The following F2RL1 variants were observed in gnomAD, a reference collection of about 807,000 sequenced individuals.
The protein encoded by F2RL1 is F2R like trypsin receptor 1, also known as proteinase-activated receptor 2.
A neutral mutation model predicts 21.7 loss-of-function variants in F2RL1; 16 were observed. The observed-to-expected ratio is 0.74, with a 90% CI of 0.50 to 1.12. The LOEUF (loss-of-function observed/expected upper bound fraction) is 1.12. F2RL1 is among the 50% of genes most tolerant of loss of function. The probability of loss-of-function intolerance (pLI) is 0.00; values close to 1 mark genes in which losing one functional copy is unlikely to be tolerated. For synonymous variants in F2RL1, 181 were observed against 186.7 expected, an observed-to-expected ratio of 0.97 and a Z score of 0.25; for missense variants, 432 against 477.8, an observed-to-expected ratio of 0.90 and a Z score of 0.89.
At chr5:76,822,536 A>T (rs1325451771) in intron 1 of F2RL1, among the ~76,000 whole-genome samples, 3 of 152,194 alleles carry the variant, frequency 2.0e-5, no homozygotes, top group Non-Finnish European at 4.4e-5. Context: ...GTAATATGAC[A>T]GAACACTGCA....
At chr5:76,824,282 G>A (rs541511590) in intron 1 of F2RL1, among the ~76,000 whole-genome samples, 8 of 151,388 alleles carry the variant, frequency 5.3e-5, no homozygotes, top group Non-Finnish European at 1.0e-4. Context: ...CAAGTAGCTG[G>A]GGCTATGGCT....
At chr5:76,828,422 A>G (rs1202524957) in intron 1 of F2RL1, among the ~76,000 whole-genome samples, 1 of 152,062 alleles carries the variant, frequency 6.6e-6, no homozygotes, top group Non-Finnish European at 1.5e-5. Flanking sequence ...TAATGCCATT[A>G]TAGTATCTAC....
At chr5:76,825,958 G>A (rs889816586) in intron 1 of F2RL1, among the ~76,000 whole-genome samples, 4 of 152,016 alleles carry the variant, frequency 2.6e-5, no homozygotes, top group African/African-American at 9.7e-5. Flanking sequence ...CTCTTTATGT[G>A]AGCTTTCCTG....
Position 76,833,087 on chromosome 5 carries a change from C to G in F2RL1, c.480C>G (p.Tyr160Ter), listed in dbSNP as rs901685279. The change falls in exon 2 of 2, where the codon TAC becomes TAG. Residue 160 changes from tyrosine to a stop codon, truncating the protein, a stop_gained. Coordinates refer to ENST00000296677, the MANE Select transcript of F2RL1 (RefSeq NM_005242.6). LOFTEE classifies it high-confidence loss of function. Reference protein sequence around the residue: ...VLIGFFYGNMYCSILFMTCLS... With the variant: ...VLIGFFYGNM Reference sequence around the variant, plus strand: ...TTGGCTTTTTCTATGGCAACATGTACTGTTCCATTCTCTTCATGACCTGCC... The same window carrying G: ...TTGGCTTTTTCTATGGCAACATGTAGTGTTCCATTCTCTTCATGACCTGCC... 5.0e-6 allele frequency: 8 copies of G among 1,614,096 alleles called. No homozygotes were observed. Among genetic ancestry groups the G allele is most frequent in the Non-Finnish European group, 6.8e-6 (8 of 1,180,048 alleles).
chr5:76,826,537 A>G (rs1346946935), intron 1 of F2RL1, among the ~76,000 whole-genome samples: 1 of 150,780 alleles, frequency 6.6e-6, no homozygotes, highest in African/African-American at 2.4e-5. Context: ...TTTTTGAGAC[A>G]GAGTCTTGCT....
At chr5:76,830,408 G>T (rs751392019) in intron 1 of F2RL1, among the ~76,000 whole-genome samples, 2 of 152,178 alleles carry the variant, frequency 1.3e-5, no homozygotes, top group African/African-American at 4.8e-5. Context: ...CTCCCAAGTA[G>T]CTAGAACTAC....
Position 76,819,048 on chromosome 5 carries a change from G to C in F2RL1, c.-135G>C, listed in dbSNP as rs944351878. The stretch of plus-strand genomic sequence containing the variant: ...TTTCCCTGAAACCTAACCCGCCCTG[G>C]GGAGGCGCGCAGCAGAGGCTCCGAT... On this transcript the variant is annotated 5_prime_UTR_variant, in exon 1 of 2. Coordinates refer to ENST00000296677, the MANE Select transcript of F2RL1 (RefSeq NM_005242.6). The C allele has an allele frequency of 1.4e-6, 1 of 710,450 alleles. No individual in the cohort carries two copies. Among genetic ancestry groups the C allele is most frequent in the Non-Finnish European group, 2.3e-6 (1 of 435,640 alleles). 44.0% of individuals were successfully genotyped at this position (710,450 alleles called of 1,614,324 possible).
At chr5:76,824,158 C>CT (rs1750196069) in intron 1 of F2RL1, among the ~76,000 whole-genome samples, 6 of 75,246 alleles carry the variant, frequency 8.0e-5, no homozygotes, top group Admixed American at 2.8e-4. Context: ...CTCCCCACCA[C>CT]ACCCCCCCCC....
chr5:76,830,712 C>T (rs1050379243), intron 1 of F2RL1, among the ~76,000 whole-genome samples: 1 of 152,164 alleles, frequency 6.6e-6, no homozygotes, highest in African/African-American at 2.4e-5. Flanking sequence ...CAGAGTCTGG[C>T]GATTAGGACA....
intron 1 of F2RL1, among the ~76,000 whole-genome samples, chr5:76,823,332 CAG>C (rs925161099): frequency 1.1e-4 from 17 of 149,952 alleles, no homozygotes; most frequent in African/African-American, 4.2e-4. Context: ...TCTCCAATCT[CAG>C]CACAACTTCT....
In F2RL1 at chr5:76,833,113, T is replaced by A; in HGVS notation, c.506T>A (p.Leu169His). 6.2e-7 allele frequency: 1 copy of A among 1,614,206 alleles called. No homozygotes were observed. The highest frequency in any genetic ancestry group is 8.5e-7 in the Non-Finnish European group (1 of 1,180,040). The change falls in exon 2 of 2, where the codon CTC (leucine) becomes CAC (histidine). Residue 169 changes from leucine to histidine, a missense_variant. Transcript: ENST00000296677. ...MYCSILFMTC[L>H]SVQRYWVIVN... ...TGTTCCATTCTCTTCATGACCTGCC[T>A]CAGTGTGCAGAGGTATTGGGTCATC...
chr5:76,824,005 G>T (rs1466603868), intron 1 of F2RL1, among the ~76,000 whole-genome samples: 1 of 150,854 alleles, frequency 6.6e-6, no homozygotes, highest in Non-Finnish European at 1.5e-5. Flanking sequence ...GTAGAGACAG[G>T]GTTTAACCGT....
chr5:76,833,833 G>A lies in F2RL1; in HGVS notation c.*32G>A. 2.5e-6 allele frequency: 4 copies of A among 1,594,416 alleles called. No individual in the cohort carries two copies. Among genetic ancestry groups the A allele is most frequent in the South Asian group, 1.1e-5 (1 of 88,824 alleles). ...CAGGTCCTCAGATGGGAATTGCACA[G>A]TAGGATGTGGAACCTGTTTAATGTT... On this transcript the variant is annotated 3_prime_UTR_variant, in exon 2 of 2. Coordinates refer to ENST00000296677, the MANE Select transcript of F2RL1 (RefSeq NM_005242.6).
chr5:76,828,515 G>A (rs1228964356), intron 1 of F2RL1, among the ~76,000 whole-genome samples: 1 of 148,532 alleles, frequency 6.7e-6, no homozygotes, highest in African/African-American at 2.5e-5. Flanking sequence ...ATAGAGACAG[G>A]GGCCTCACTC....
intron 1 of F2RL1, among the ~76,000 whole-genome samples, chr5:76,831,766 G>A (rs1750353675): frequency 6.6e-6 from 1 of 152,064 alleles, no homozygotes; most frequent in African/African-American, 2.4e-5. Flanking sequence ...GACCTCAGGT[G>A]ATCCACCTGC....
At position 76,819,123 on chromosome 5, in the gene F2RL1, T is replaced by G; in HGVS notation, c.-60T>G. The G allele has an allele frequency of 2.2e-5, 31 of 1,398,868 alleles. No homozygotes were observed. The highest frequency in any genetic ancestry group is 2.6e-5 in the Non-Finnish European group (27 of 1,021,894). 86.7% of individuals were successfully genotyped at this position (1,398,868 alleles called of 1,614,324 possible). ...TCTCTCGGTGCGTCCAGTGGAGCTC[T>G]GAGTTTCGAATCGGCGGCGGCGGAT... is the stretch of plus-strand genomic sequence containing the variant. On this transcript the variant is annotated 5_prime_UTR_variant, in exon 1 of 2. Coordinates refer to ENST00000296677, the MANE Select transcript of F2RL1 (RefSeq NM_005242.6).
In F2RL1 at chr5:76,833,049, T is replaced by C. The variant is rs1324375759; in HGVS notation, c.442T>C (p.Cys148Arg). The C allele has an allele frequency of 6.2e-7, 1 of 1,614,090 alleles. No individual in the cohort carries two copies. The highest frequency in any genetic ancestry group is 8.5e-7 in the Non-Finnish European group (1 of 1,180,032). ...GNNWIYGEALCNVLIGFFYGN... is the reference protein window; with the variant it reads ...GNNWIYGEALRNVLIGFFYGN... ...CAACTGGATTTATGGGGAAGCTCTT[T>C]GTAATGTGCTTATTGGCTTTTTCTA... Residue 148 changes from cysteine to arginine, a missense_variant, in exon 2 of 2, where the codon TGT (cysteine) becomes CGT (arginine). Transcript: ENST00000296677.
In F2RL1 at chr5:76,819,244, C is replaced by T. The variant is rs2243072; in HGVS notation, c.62C>T (p.Ser21Phe). ...GCCATCCTGCTAGCAGCCTCTCTCTCCTGCAGTGGCACCATCCAAGGTGAG... is the reference window on the plus strand; with the variant it reads ...GCCATCCTGCTAGCAGCCTCTCTCTTCTGCAGTGGCACCATCCAAGGTGAG... ...GAAILLAASL[S>F]CSGTIQGTSR... Residue 21 changes from serine to phenylalanine, a missense_variant, in exon 1 of 2, where the codon TCC (serine) becomes TTC (phenylalanine). Ser to Phe is a radical substitution (Grantham distance 155). Transcript: ENST00000296677. 0.021 allele frequency: 33,186 copies of T among 1,592,404 alleles called. 457 individuals are homozygous for T. The highest frequency in any genetic ancestry group is 0.026 in the Non-Finnish European group (30,047 of 1,177,822).
rs997026403 is a variant in F2RL1 at position 76,835,090 on chromosome 5, A to T, written c.*1289A>T. The T allele has an allele frequency of 6.6e-6, 1 of 152,332 alleles. No homozygotes were observed. The highest frequency in any genetic ancestry group is 2.4e-5 in the African/African-American group (1 of 41,446). 9.4% of individuals were successfully genotyped at this position (152,332 alleles called of 1,614,324 possible). A position where few individuals can be genotyped will look rare whatever the true frequency, so the allele number is the denominator to read the frequency against. On this transcript the variant is annotated 3_prime_UTR_variant, in exon 2 of 2. Transcript: ENST00000296677. ...TTTGCCACTTAGTATTTTAAAAAAT[A>T]ATTGTTGGAGTATTTATTGTCAGTT...
Sources: allele counts gnomAD v4.1 joint callset (sites outside exome capture counted in the v4.1 genomes callset), GRCh38; gene constraint gnomAD v4.1.1; transcripts MANE v1.5; gene names NCBI Gene and HGNC (gene_info 2026-07-23, HGNC 2026-07-21).